C2CD3: variants seen among roughly 807,000 people sequenced by gnomAD.
C2CD3 encodes the protein C2 domain-containing protein 3.
Under a neutral mutation model 234.0 loss-of-function variants are expected in C2CD3, and 148 were observed. The observed-to-expected ratio is 0.63, with a 90% CI of 0.55 to 0.72. C2CD3 has a LOEUF of 0.72. Ranked by LOEUF, C2CD3 falls within the 30% of genes least tolerant of loss-of-function variation. The pLI is 0.00. For missense variants in C2CD3, 2,577 were observed against 2,811.5 expected (o/e 0.92, Z 1.89); for synonymous variants, 1,000 against 1,035.4 (o/e 0.97, Z 0.66).
In C2CD3 at chr11:74,171,001, A is replaced by C; in HGVS notation, c.-209T>G. 1 of 1,207,672 alleles carries C rather than the reference A, an allele frequency of 8.3e-7. No individual in the cohort carries two copies. The highest frequency in any genetic ancestry group is 1.2e-6 in the Non-Finnish European group (1 of 857,804). 74.8% of individuals were successfully genotyped at this position (1,207,672 alleles called of 1,614,324 possible). A position where few individuals can be genotyped will look rare whatever the true frequency, so the allele number is the denominator to read the frequency against. The stretch of plus-strand genomic sequence containing the variant: ...CAAGACGCCTTCCCTCCAATACACT[A>C]CAATACCCAGGACGCTTTGCTACAA... On this transcript the variant is annotated 5_prime_UTR_variant, in exon 1 of 33. Transcript: ENST00000334126.
intron 32 of C2CD3, among the ~76,000 whole-genome samples, chr11:74,027,917 T>A (rs957978343): frequency 6.6e-6 from 1 of 152,170 alleles, no homozygotes; most frequent in African/African-American, 2.4e-5. Context: ...ATTCTCCTCA[T>A]CCAGATCTTA....
intron 22 of C2CD3, among the ~76,000 whole-genome samples, chr11:74,080,264 A>G (rs1470856942): frequency 6.6e-6 from 1 of 152,154 alleles, no homozygotes; most frequent in African/African-American, 2.4e-5. Context: ...AGGTTTTATG[A>G]CTTTTGGACA....
At chr11:74,122,874 A>G (rs989489255) in intron 8 of C2CD3, 114 bp downstream of exon 8, 6 of 732,216 alleles carry the variant, frequency 8.2e-6, no homozygotes, top group Non-Finnish European at 1.3e-5. Flanking sequence ...TGAGGTTGTC[A>G]TTAAAATTAA....
In C2CD3 at chr11:74,049,456, T is replaced by G; in HGVS notation, c.5242A>C (p.Thr1748Pro). 2 of 1,613,658 alleles carry G rather than the reference T, an allele frequency of 1.2e-6. No individual in the cohort carries two copies. The highest frequency in any genetic ancestry group is 1.7e-6 in the Non-Finnish European group (2 of 1,179,968). ...FQFVCGWYNI[T>P]DFSGECQGQI... is the part of the protein sequence containing the mutation. ...CCCTGGCACTCTCCACTGAAGTCTGTGATGTTGTACCAGCCACAGACAAAC... is the reference window on the plus strand; with the variant it reads ...CCCTGGCACTCTCCACTGAAGTCTGGGATGTTGTACCAGCCACAGACAAAC... The change falls in exon 27 of 33, where the codon ACA (threonine) becomes CCA (proline). Residue 1748 changes from threonine to proline, a missense_variant. Thr to Pro is a conservative substitution (Grantham distance 38, BLOSUM62 -1). Transcript: ENST00000334126.
At chr11:74,110,073 T>C (rs1956687943) in intron 11 of C2CD3, among the ~76,000 whole-genome samples, 1 of 146,232 alleles carries the variant, frequency 6.8e-6, no homozygotes, top group South Asian at 2.2e-4. Flanking sequence ...AGAGTGAGAC[T>C]CTGTCTCAAA....
At chr11:74,040,950 C>T (rs1416784739) in intron 29 of C2CD3, among the ~76,000 whole-genome samples, 2 of 145,760 alleles carry the variant, frequency 1.4e-5, no homozygotes, top group Non-Finnish European at 3.0e-5. Flanking sequence ...CCCTTTTAAA[C>T]ATTTTTTCCT....
chr11:74,092,711 G>A (rs1040317365), intron 18 of C2CD3, 123 bp from the exon 19 acceptor site: 23 of 732,294 alleles, frequency 3.1e-5, no homozygotes, highest in Non-Finnish European at 4.0e-5. Context: ...TTGGTAGTAC[G>A]CAGCTATGGT....
intron 11 of C2CD3, chr11:74,113,276 T>A (rs931874123): frequency 1.3e-5 from 2 of 155,668 alleles, no homozygotes; most frequent in African/African-American, 4.8e-5. Context: ...TAGCAGTTGC[T>A]TAGGGCTGGG....
chr11:74,027,818 A>G (rs1281430199), intron 32 of C2CD3, among the ~76,000 whole-genome samples: 1 of 152,208 alleles, frequency 6.6e-6, no homozygotes, highest in Non-Finnish European at 1.5e-5. Flanking sequence ...GAGATGTGGG[A>G]TTTGTACCAG....
intron 25 of C2CD3, among the ~76,000 whole-genome samples, chr11:74,056,901 A>AT (rs3076367): frequency 0.36 from 49,275 of 136,868 alleles, 9,380 homozygotes; most frequent in East Asian, 0.45. Context: ...CTTTATTGTA[A>AT]TTTTTTTTTT....
At chr11:74,084,807 C>G (rs1197383608) in intron 22 of C2CD3, 74 bp downstream of exon 22, 1 of 876,572 alleles carries the variant, frequency 1.1e-6, no homozygotes, top group Admixed American at 1.8e-5. Context: ...ACATGAGAGA[C>G]AGAGAAGATT....
intron 32 of C2CD3, among the ~76,000 whole-genome samples, chr11:74,023,240 C>T (rs945129664): frequency 2.6e-5 from 4 of 152,264 alleles, no homozygotes; most frequent in African/African-American, 9.6e-5. Context: ...GAGCCCTCTC[C>T]TGTTTCAGGG....
chr11:74,033,395 C>G lies in C2CD3; in HGVS notation c.6765G>C (p.Gln2255His). ...TGGACGTCTCTGATCCAGTTGTCAC[C>G]TGCCTCTGCCTGATGTCAGAGGAGT... ...PIDSSDIRQR[Q>H]VTTGSETSTK... is the part of the protein sequence containing the mutation. The change falls in exon 31 of 33, where the codon CAG (glutamine) becomes CAC (histidine). Residue 2255 changes from glutamine to histidine, a missense_variant. Gln to His is a conservative substitution (Grantham distance 24). Coordinates refer to ENST00000334126, the MANE Select transcript of C2CD3 (RefSeq NM_001286577.2). 6.5e-7 allele frequency: 1 copy of G among 1,536,186 alleles called. No individual in the cohort carries two copies. Among genetic ancestry groups the G allele is most frequent in the East Asian group, 2.4e-5 (1 of 40,922 alleles).
At chr11:74,127,126 G>A (rs1168005401) in intron 7 of C2CD3, among the ~76,000 whole-genome samples, 1 of 152,130 alleles carries the variant, frequency 6.6e-6, no homozygotes, top group Non-Finnish European at 1.5e-5. Context: ...TCCTACCTCA[G>A]CCTTCTGAGT....
chr11:74,033,876 CT>C lies in C2CD3; in HGVS notation c.6283del (p.Ser2095ValfsTer136). The C allele has an allele frequency of 6.5e-7, 1 of 1,536,196 alleles. No homozygotes were observed. The highest frequency in any genetic ancestry group is 2.4e-5 in the East Asian group (1 of 40,912). ...GTCAGGCTGAGGGCTGATGACCTCACTTGTGTCTGATATGACACTAGACCAA... is the reference window on the plus strand; with the variant it reads ...GTCAGGCTGAGGGCTGATGACCTCACTGTGTCTGATATGACACTAGACCAA... ...SPWSSVISDT[S>X]EVISPQPDEV... is the part of the protein sequence containing the mutation. On this transcript the variant is annotated frameshift_variant, in exon 31 of 33. Transcript: ENST00000334126. LOFTEE classifies it high-confidence loss of function.
chr11:74,084,980 C>T lies in C2CD3; in HGVS notation c.3911-10G>A, dbSNP rs1280889328. 1.3e-6 allele frequency: 2 copies of T among 1,572,116 alleles called. No homozygotes were observed. The highest frequency in any genetic ancestry group is 3.4e-5 in the Admixed American group (2 of 59,528). ...CTGATTATATCACTTGCTGTTAAAT[C>T]AAGCAAAAAAGAAAAATTATTTGAT... On this transcript the variant is annotated splice_polypyrimidine_tract_variant and intron_variant, in intron 21 of 32. Transcript: ENST00000334126.
chr11:74,024,548 C>T (rs1421195903), intron 32 of C2CD3, among the ~76,000 whole-genome samples: 1 of 152,124 alleles, frequency 6.6e-6, no homozygotes, highest in Admixed American at 6.6e-5. Flanking sequence ...ATAAAGGCCA[C>T]AAGATGATGG....
At chr11:74,134,142 C>G (rs1957779723) in intron 5 of C2CD3, among the ~76,000 whole-genome samples, 1 of 152,204 alleles carries the variant, frequency 6.6e-6, no homozygotes, top group African/African-American at 2.4e-5. Context: ...ACGTGTATTA[C>G]TCATTTAATC....
intron 12 of C2CD3, among the ~76,000 whole-genome samples, chr11:74,108,689 T>TCC (rs1328184600): frequency 7.9e-5 from 12 of 152,252 alleles, no homozygotes; most frequent in African/African-American, 2.6e-4. Context: ...TGGGATGGTG[T>TCC]CCTGGCTCTT....
Sources: allele counts gnomAD v4.1 joint callset (sites outside exome capture counted in the v4.1 genomes callset), GRCh38; gene constraint gnomAD v4.1.1; transcripts MANE v1.5; gene names NCBI Gene and HGNC (gene_info 2026-07-23, HGNC 2026-07-21).